Variants in TRDN observed in about 807,000 individuals in gnomAD.
The protein encoded by TRDN is triadin in skeletal muscle.
A neutral mutation model predicts 149.7 loss-of-function variants in TRDN; 161 were observed. The ratio of observed to expected loss-of-function variants is 1.08; its 90% CI spans 0.95 to 1.23. The LOEUF (loss-of-function observed/expected upper bound fraction) is 1.23. Ranked by LOEUF, TRDN falls within the 50% of genes most tolerant of loss-of-function variation. The pLI, the probability that TRDN is intolerant of heterozygous loss-of-function variation, is 0.00. For synonymous variants in TRDN, 294 were observed against 250.5 expected (o/e 1.17, Z -1.64); for missense variants, 896 against 823.5 (o/e 1.09, Z -1.08).
intron 5 of TRDN, among the ~76,000 whole-genome samples, chr6:123,517,295 A>G (rs1779458988): frequency 6.6e-6 from 1 of 152,122 alleles, no homozygotes; most frequent in African/African-American, 2.4e-5. Flanking sequence ...GGAAGAGACC[A>G]ATTTCCAGTT....
rs538233336 is a variant in TRDN at position 123,357,782 on chromosome 6, T to C, written c.1322-5196A>G. Among the ~76,000 whole-genome samples the C allele has an allele frequency of 4.6e-5, 7 of 152,302 alleles. No individual in the cohort carries two copies. In the East Asian group the frequency reaches 1.4e-3, roughly 29 times the overall value. ...AAGGGTAAATGTCTCAGAAAACAACTGAAGTGTGACTTACATATAAAGACC... is the reference window on the plus strand; with the variant it reads ...AAGGGTAAATGTCTCAGAAAACAACCGAAGTGTGACTTACATATAAAGACC... On this transcript the variant is annotated intron_variant, in intron 20 of 40. Transcript: ENST00000334268.
At chr6:123,494,330 C>T (rs1203578241) in intron 9 of TRDN, among the ~76,000 whole-genome samples, 1 of 152,116 alleles carries the variant, frequency 6.6e-6, no homozygotes, top group Non-Finnish European at 1.5e-5. Flanking sequence ...TTTTATTATT[C>T]CTTCTAACCT....
Position 123,301,770 on chromosome 6 carries a change from CAT to C in TRDN, c.1510+14685_1510+14686del, listed in dbSNP as rs35364593. On this transcript the variant is annotated intron_variant, in intron 24 of 40. Transcript: ENST00000334268. ...ATATATACATATATATATATATATACATATATATATATATATACATAAATGAA... is the reference window on the plus strand; with the variant it reads ...ATATATACATATATATATATATATACATATATATATATATACATAAATGAA... Among the ~76,000 whole-genome samples, 260 of 57,552 alleles carry C rather than the reference CAT, an allele frequency of 4.5e-3. 5 individuals are homozygous for C. Among genetic ancestry groups the C allele is most frequent in the East Asian group, 9.4e-3 (9 of 960 alleles). 37.8% of individuals were successfully genotyped at this position (57,552 alleles called of 152,430 possible). A position where few individuals can be genotyped will look rare whatever the true frequency, so the allele number is the denominator to read the frequency against.
intron 32 of TRDN, 93 bp downstream of exon 32, chr6:123,267,614 C>G (rs370765959): frequency 1.2e-5 from 10 of 820,774 alleles, no homozygotes; most frequent in Non-Finnish European, 1.6e-5. Context: ...CCAGGAAACA[C>G]AGTGAAAATG....
At chr6:123,322,195 T>A (rs74330623) in intron 23 of TRDN, among the ~76,000 whole-genome samples, 1 of 152,176 alleles carries the variant, frequency 6.6e-6, no homozygotes, top group African/African-American at 2.4e-5. Flanking sequence ...CCATGCATAA[T>A]GAAGAAGCAA....
At chr6:123,451,946 T>G (rs1562320956) in intron 10 of TRDN, among the ~76,000 whole-genome samples, 1 of 152,172 alleles carries the variant, frequency 6.6e-6, no homozygotes, top group South Asian at 2.1e-4. Context: ...GTTTAACATA[T>G]GCAAGTCAAT....
At chr6:123,312,681 A>G in intron 24 of TRDN, among the ~76,000 whole-genome samples, 1 of 151,962 alleles carries the variant, frequency 6.6e-6, no homozygotes, top group Admixed American at 6.6e-5. Context: ...ATATTCCTGA[A>G]TTTCTAGCTT....
At chr6:123,547,670 C>G (rs1781182349) in intron 3 of TRDN, among the ~76,000 whole-genome samples, 1 of 151,882 alleles carries the variant, frequency 6.6e-6, no homozygotes, top group Non-Finnish European at 1.5e-5. Flanking sequence ...TGAACTCTTA[C>G]TGGGGCCAAA....
chr6:123,311,673 T>C (rs911863661), intron 24 of TRDN, among the ~76,000 whole-genome samples: 2 of 151,926 alleles, frequency 1.3e-5, no homozygotes, highest in African/African-American at 4.8e-5. Flanking sequence ...ATGGAAAGGA[T>C]TGTCTGCTAT....
chr6:123,584,683 T>C (rs1203652447), intron 1 of TRDN, among the ~76,000 whole-genome samples: 1 of 152,050 alleles, frequency 6.6e-6, no homozygotes, highest in African/African-American at 2.4e-5. Flanking sequence ...GCCTAGGTAA[T>C]TTGCTGAGCC....
At chr6:123,298,155 T>C (rs958299595) in intron 24 of TRDN, among the ~76,000 whole-genome samples, 2 of 151,974 alleles carry the variant, frequency 1.3e-5, no homozygotes, top group African/African-American at 4.8e-5. Context: ...ATAAGCATGG[T>C]TAGTTAAAAG....
chr6:123,321,697 C>A (rs1779249462), intron 23 of TRDN, among the ~76,000 whole-genome samples: 1 of 152,018 alleles, frequency 6.6e-6, no homozygotes, highest in Non-Finnish European at 1.5e-5. Context: ...TATAGAAATA[C>A]TGTCACTCCA....
At chr6:123,558,069 T>C (rs780880206) in intron 2 of TRDN, among the ~76,000 whole-genome samples, 1 of 151,992 alleles carries the variant, frequency 6.6e-6, no homozygotes, top group Non-Finnish European at 1.5e-5. Flanking sequence ...ACCTAAAAAA[T>C]TCTTGTCCTA....
intron 10 of TRDN, among the ~76,000 whole-genome samples, chr6:123,454,049 G>T (rs1283989101): frequency 1.3e-5 from 2 of 152,100 alleles, no homozygotes; most frequent in Admixed American, 1.3e-4. Context: ...CAAACATCGG[G>T]TGTTCTCACT....
At chr6:123,326,288 T>C (rs1233100838) in intron 23 of TRDN, among the ~76,000 whole-genome samples, 1 of 152,114 alleles carries the variant, frequency 6.6e-6, no homozygotes, top group Non-Finnish European at 1.5e-5. Context: ...CTTCCAGCTC[T>C]AGATTTCTAC....
chr6:123,352,259 T>C (rs1003872122), intron 21 of TRDN: 2 of 985,008 alleles, frequency 2.0e-6, no homozygotes, highest in African/African-American at 3.5e-5. Context: ...TGGATCATTG[T>C]CTTATTCCCA....
chr6:123,586,869 A>G (rs6939226), intron 1 of TRDN, among the ~76,000 whole-genome samples: 74,926 of 151,340 alleles, frequency 0.5, 18,720 homozygotes, highest in East Asian at 0.58. Flanking sequence ...ACAGAGATAC[A>G]AGGTCAGGGC....
rs10678221 is a variant in TRDN at position 123,542,859 on chromosome 6, CGTGTGTGTGTGT to C, written c.424+4469_424+4480del. ...TTCTCTCTGAGTGTGTGCATGTTTG[CGTGTGTGTGTGT>C]GTGTGTGTGTGTGTGTCTGTCTGTC... On this transcript the variant is annotated intron_variant, in intron 4 of 40. Coordinates refer to ENST00000334268, the MANE Select transcript of TRDN (RefSeq NM_006073.4). Among the ~76,000 whole-genome samples the C allele has an allele frequency of 5.4e-5, 8 of 147,010 alleles. No homozygotes were observed. The East Asian group carries it at 6.1e-4, about 11-fold the overall frequency.
At chr6:123,586,411 G>A (rs1356845976) in intron 1 of TRDN, among the ~76,000 whole-genome samples, 1 of 152,082 alleles carries the variant, frequency 6.6e-6, no homozygotes, top group Non-Finnish European at 1.5e-5. Context: ...TTGGGGTTGG[G>A]ACTGAGGGGA....
Sources: gnomAD v4.1 joint callset for allele counts (sites outside exome capture counted in the v4.1 genomes callset) on GRCh38, gnomAD v4.1.1 for gene constraint, MANE v1.5 for transcripts, NCBI Gene and HGNC (gene_info 2026-07-23, HGNC 2026-07-21) for gene names.